Variants in TSGA10 observed in about 807,000 individuals in gnomAD.
The protein encoded by TSGA10 is testis specific 10.
In TSGA10, 43 loss-of-function variants were observed where a neutral mutation model predicts 96.6. That is an observed-to-expected ratio of 0.44 (90% CI 0.35 to 0.57). The LOEUF is 0.57. Among genes scored for constraint, TSGA10 ranks in the 20% least tolerant of loss-of-function variants. TSGA10 has a pLI of 0.01. For synonymous variants in TSGA10, 229 were observed against 269.9 expected (o/e 0.85, Z 1.48); for missense variants, 703 against 834.4 (o/e 0.84, Z 1.94).
intron 11 of TSGA10, 76 bp downstream of exon 11, chr2:99,081,206 A>T: frequency 1.3e-6 from 1 of 757,042 alleles, no homozygotes. Context: ...TCTATGTTAT[A>T]CTGAAGAGAA....
chr2:99,023,203 T>C (rs1381681595), intron 17 of TSGA10, among the ~76,000 whole-genome samples: 1 of 152,170 alleles, frequency 6.6e-6, no homozygotes, highest in Non-Finnish European at 1.5e-5. Flanking sequence ...TTTTGCCATG[T>C]TGCCCAGGCT....
At chr2:99,026,714 C>T (rs1015976527) in intron 17 of TSGA10, among the ~76,000 whole-genome samples, 5 of 152,110 alleles carry the variant, frequency 3.3e-5, no homozygotes, top group South Asian at 2.1e-4. Flanking sequence ...TGAGCCACCA[C>T]GCCCGGCCCA....
chr2:99,024,593 C>T (rs908037234), intron 17 of TSGA10, among the ~76,000 whole-genome samples: 2 of 152,070 alleles, frequency 1.3e-5, no homozygotes, highest in African/African-American at 4.8e-5. Flanking sequence ...ATGTCACCTG[C>T]GAACAGAGAT....
chr2:99,119,798 T>C (rs922622581), intron 2 of TSGA10, among the ~76,000 whole-genome samples: 3 of 152,230 alleles, frequency 2.0e-5, no homozygotes, highest in African/African-American at 7.2e-5. Flanking sequence ...TCCCAGGCTT[T>C]CACTGTTTAC....
chr2:99,027,556 A>C (rs1225989086), intron 17 of TSGA10, among the ~76,000 whole-genome samples: 3 of 152,356 alleles, frequency 2.0e-5, no homozygotes, highest in Non-Finnish European at 1.5e-5. Flanking sequence ...CATGCAAAAA[A>C]TAAGTTGATA....
At position 99,127,249 on chromosome 2, in the gene TSGA10, A is replaced by C. The variant is rs2092875962; in HGVS notation, c.-620-73T>G. The C allele has an allele frequency of 1.2e-5, 13 of 1,059,530 alleles. No homozygotes were observed. The South Asian group carries it at 1.9e-4, about 16-fold the overall frequency. The allele number at this position is 1,059,530 out of a possible 1,614,324, so 65.6% of individuals were successfully genotyped here. On this transcript the variant is annotated intron_variant, in intron 1 of 20. Coordinates refer to ENST00000393483, the MANE Select transcript of TSGA10 (RefSeq NM_025244.4). The stretch of plus-strand genomic sequence containing the variant: ...GCTCTGTGATTTCTTACATCAATAC[A>C]TTTTGAAAATTGATAATATTCTTAG...
intron 17 of TSGA10, among the ~76,000 whole-genome samples, chr2:99,027,616 A>T (rs1391899386): frequency 2.0e-5 from 3 of 152,240 alleles, no homozygotes; most frequent in Non-Finnish European, 1.5e-5. Flanking sequence ...CCATACATAC[A>T]TCAAATCTGT....
At chr2:99,042,328 T>G (rs2082275044) in intron 16 of TSGA10, among the ~76,000 whole-genome samples, 1 of 152,112 alleles carries the variant, frequency 6.6e-6, no homozygotes, top group Non-Finnish European at 1.5e-5. Flanking sequence ...GTGCATTTTG[T>G]TGGCCCTGGG....
At chr2:99,129,509 C>T (rs746763018) in intron 1 of TSGA10, among the ~76,000 whole-genome samples, 6 of 152,180 alleles carry the variant, frequency 3.9e-5, no homozygotes, top group Non-Finnish European at 7.3e-5. Context: ...ACCACAAGTC[C>T]ACCTGACAAT....
intron 10 of TSGA10, among the ~76,000 whole-genome samples, chr2:99,081,728 A>G (rs1472746021): frequency 6.6e-6 from 1 of 152,164 alleles, no homozygotes; most frequent in Non-Finnish European, 1.5e-5. Context: ...CTAGGGTTTT[A>G]TGTTTTAATT....
At chr2:99,114,341 A>C (rs1430913332) in intron 4 of TSGA10, among the ~76,000 whole-genome samples, 1 of 152,168 alleles carries the variant, frequency 6.6e-6, no homozygotes, top group African/African-American at 2.4e-5. Context: ...TCATATCCCC[A>C]GTGTTGGTTT....
chr2:99,143,235 G>A lies in TSGA10; in HGVS notation c.-621+11458C>T, dbSNP rs574292377. Among the ~76,000 whole-genome samples, 23 of 141,724 alleles carry A rather than the reference G, an allele frequency of 1.6e-4. No individual in the cohort carries two copies. The South Asian group carries it at 4.8e-3, about 30-fold the overall frequency. 93.0% of individuals were successfully genotyped at this position (141,724 alleles called of 152,430 possible). On this transcript the variant is annotated intron_variant, in intron 1 of 20. Coordinates refer to ENST00000393483, the MANE Select transcript of TSGA10 (RefSeq NM_025244.4). ...CGGCTCACTGCAACCTCCGCCTCCC[G>A]GGTTCATGCCATTCTCCTGCCTCAG...
intron 1 of TSGA10, among the ~76,000 whole-genome samples, chr2:99,131,341 T>C (rs1420703640): frequency 2.6e-5 from 4 of 152,300 alleles, no homozygotes; most frequent in South Asian, 4.2e-4. Context: ...GTCCTTCCCA[T>C]CACTTGTAAG....
At chr2:99,050,025 A>G (rs1411156321) in intron 16 of TSGA10, among the ~76,000 whole-genome samples, 1 of 152,204 alleles carries the variant, frequency 6.6e-6, no homozygotes, top group Non-Finnish European at 1.5e-5. Flanking sequence ...TATTGGTCCT[A>G]TAACAGATGA....
At chr2:99,101,293 T>C (rs1469537376) in intron 10 of TSGA10, among the ~76,000 whole-genome samples, 1 of 116,450 alleles carries the variant, frequency 8.6e-6, no homozygotes, top group African/African-American at 3.1e-5. Context: ...ATGGGAAAGA[T>C]GAATAAATCT....
chr2:99,139,067 C>T (rs1206909653), intron 1 of TSGA10, among the ~76,000 whole-genome samples: 1 of 152,152 alleles, frequency 6.6e-6, no homozygotes, highest in Admixed American at 6.5e-5. Flanking sequence ...TGAGACCAGC[C>T]TGGACAACAT....
chr2:99,022,340 A>C (rs964061810), intron 17 of TSGA10, among the ~76,000 whole-genome samples: 1 of 150,900 alleles, frequency 6.6e-6, no homozygotes, highest in African/African-American at 2.4e-5. Flanking sequence ...AAAAAAAAAA[A>C]AAAAAAAAAA....
At chr2:99,116,441 A>G (rs1264772270) in intron 4 of TSGA10, among the ~76,000 whole-genome samples, 1 of 152,110 alleles carries the variant, frequency 6.6e-6, no homozygotes, top group African/African-American at 2.4e-5. Context: ...AGGCAAATGA[A>G]TCAATGAAAA....
At chr2:99,053,576 C>T (rs1459354101) in intron 16 of TSGA10, among the ~76,000 whole-genome samples, 1 of 151,958 alleles carries the variant, frequency 6.6e-6, no homozygotes, top group African/African-American at 2.4e-5. Context: ...TCATAATAAA[C>T]ATAAAAAAGC....
Sources: allele counts gnomAD v4.1 joint callset (sites outside exome capture counted in the v4.1 genomes callset), GRCh38; gene constraint gnomAD v4.1.1; transcripts MANE v1.5; gene names NCBI Gene and HGNC (gene_info 2026-07-23, HGNC 2026-07-21).